PSEN1: variants seen among roughly 807,000 people sequenced by gnomAD.
PSEN1 encodes the protein presenilin 1.
In PSEN1, 15 loss-of-function variants were observed where a neutral mutation model predicts 53.5. That is an observed-to-expected ratio of 0.28 (90% CI 0.19 to 0.43). The LOEUF is 0.43. Ranked by LOEUF, PSEN1 falls within the 20% of genes least tolerant of loss-of-function variation. The pLI is 1.00. For synonymous variants in PSEN1, 208 were observed against 209.8 expected, an observed-to-expected ratio of 0.99 and a Z score of 0.08; for missense variants, 387 against 571.2, an observed-to-expected ratio of 0.68 and a Z score of 3.29.
At chr14:73,148,446 T>A (rs1483488221) in intron 3 of PSEN1, among the ~76,000 whole-genome samples, 2 of 152,228 alleles carry the variant, frequency 1.3e-5, no homozygotes, top group African/African-American at 2.4e-5. Flanking sequence ...ATTCATTACC[T>A]AACAGTTCCT....
At chr14:73,197,034 G>A (rs554310525) in intron 7 of PSEN1, among the ~76,000 whole-genome samples, 1 of 149,752 alleles carries the variant, frequency 6.7e-6, no homozygotes, top group African/African-American at 2.5e-5. Flanking sequence ...CCGGGTTCAC[G>A]CCGTTCTCCT....
chr14:73,143,206 G>A (rs958817023), intron 1 of PSEN1, among the ~76,000 whole-genome samples: 3 of 152,160 alleles, frequency 2.0e-5, no homozygotes, highest in African/African-American at 4.8e-5. Flanking sequence ...TACCAGTAGC[G>A]CTTGTTTGTT....
chr14:73,203,329 C>G (rs995047244), intron 8 of PSEN1, among the ~76,000 whole-genome samples: 1 of 152,116 alleles, frequency 6.6e-6, no homozygotes, highest in Non-Finnish European at 1.5e-5. Flanking sequence ...CTCAGGTGAT[C>G]TACCCGCCTC....
At chr14:73,197,748 T>G (rs537462773) in intron 7 of PSEN1, 2 of 419,064 alleles carry the variant, frequency 4.8e-6, no homozygotes, top group African/African-American at 4.0e-5. Context: ...CTAGGAAGAC[T>G]TGTTCCTATA....
At chr14:73,218,751 G>C (rs529684611) in intron 11 of PSEN1, among the ~76,000 whole-genome samples, 1 of 143,638 alleles carries the variant, frequency 7.0e-6, no homozygotes, top group African/African-American at 2.6e-5. Flanking sequence ...AGAAGCCCCC[G>C]CACAGCATAG....
chr14:73,172,735 TTCTC>T (rs1352665196), intron 4 of PSEN1, among the ~76,000 whole-genome samples: 1 of 152,236 alleles, frequency 6.6e-6, no homozygotes, highest in Non-Finnish European at 1.5e-5. Flanking sequence ...TGCACATACT[TTCTC>T]TCTCATAGAG....
chr14:73,158,425 A>C (rs1031302734), intron 3 of PSEN1, among the ~76,000 whole-genome samples: 5 of 152,016 alleles, frequency 3.3e-5, no homozygotes, highest in Admixed American at 6.6e-5. Flanking sequence ...TCCTGGGTTC[A>C]AGTGATTCTC....
intron 8 of PSEN1, among the ~76,000 whole-genome samples, chr14:73,200,783 G>T (rs1004030320): frequency 2.6e-5 from 4 of 152,098 alleles, no homozygotes; most frequent in African/African-American, 9.7e-5. Context: ...GGGCGTGGTG[G>T]CTAACACCTG....
At chr14:73,199,679 A>G (rs1899100318) in intron 8 of PSEN1, among the ~76,000 whole-genome samples, 1 of 152,244 alleles carries the variant, frequency 6.6e-6, no homozygotes, top group Non-Finnish European at 1.5e-5. Flanking sequence ...GCCTCCTAAA[A>G]AAGCTGTGCC....
In PSEN1 at chr14:73,216,981, A is replaced by G. The variant is rs912729309; in HGVS notation, c.1130-145A>G. 4.4e-6 allele frequency: 4 copies of G among 918,414 alleles called. No individual in the cohort carries two copies. The African/African-American group carries it at 6.6e-5, about 15-fold the overall frequency. The allele number at this position is 918,414 out of a possible 1,614,324, so 56.9% of individuals were successfully genotyped here. A position where few individuals can be genotyped will look rare whatever the true frequency, so the allele number is the denominator to read the frequency against. On this transcript the variant is annotated intron_variant, in intron 10 of 11. Coordinates refer to ENST00000324501, the MANE Select transcript of PSEN1 (RefSeq NM_000021.4). ...ATTGTAGAAAACCAAAAAAGAAAGA[A>G]AACACAGCTGAAGCCTAATTTTGTA...
At chr14:73,190,174 A>G (rs1168387220) in intron 6 of PSEN1, among the ~76,000 whole-genome samples, 1 of 152,340 alleles carries the variant, frequency 6.6e-6, no homozygotes, top group East Asian at 1.9e-4. Flanking sequence ...GGGGTAAAAA[A>G]GATAATATGC....
intron 3 of PSEN1, among the ~76,000 whole-genome samples, chr14:73,161,024 T>C (rs987388184): frequency 1.4e-5 from 2 of 148,076 alleles, no homozygotes; most frequent in African/African-American, 5.0e-5. Flanking sequence ...CAGGCTGGAG[T>C]AAAGTAGTGA....
At chr14:73,208,010 A>G (rs1297958954) in intron 9 of PSEN1, among the ~76,000 whole-genome samples, 2 of 152,226 alleles carry the variant, frequency 1.3e-5, no homozygotes, top group African/African-American at 4.8e-5. Flanking sequence ...AAGAATTGCC[A>G]CAAGCCTGGC....
chr14:73,194,557 G>A (rs1898860561), intron 7 of PSEN1, among the ~76,000 whole-genome samples: 1 of 150,632 alleles, frequency 6.6e-6, no homozygotes, highest in Non-Finnish European at 1.5e-5. Flanking sequence ...CACCATGCCT[G>A]GCCATACACT....
At chr14:73,159,545 A>G (rs1358131070) in intron 3 of PSEN1, among the ~76,000 whole-genome samples, 1 of 152,184 alleles carries the variant, frequency 6.6e-6, no homozygotes, top group East Asian at 1.9e-4. Flanking sequence ...ATTTTTCTGC[A>G]TATGGATATT....
chr14:73,173,716 G>C lies in PSEN1; in HGVS notation c.480+9G>C, dbSNP rs780371151. On this transcript the variant is annotated intron_variant, in intron 5 of 11. Coordinates refer to ENST00000324501, the MANE Select transcript of PSEN1 (RefSeq NM_000021.4). Reference sequence around the variant, plus strand: ...AATACAGGTGCTATAAGGTGAGCATGAGACACAGATCTTTGCTTTCCACCC... The same window carrying C: ...AATACAGGTGCTATAAGGTGAGCATCAGACACAGATCTTTGCTTTCCACCC... 1.9e-6 allele frequency: 3 copies of C among 1,613,980 alleles called. No individual in the cohort carries two copies. The highest frequency in any genetic ancestry group is 2.5e-6 in the Non-Finnish European group (3 of 1,179,830).
intron 6 of PSEN1, among the ~76,000 whole-genome samples, chr14:73,187,371 TG>T: frequency 6.6e-6 from 1 of 152,328 alleles, no homozygotes; most frequent in Non-Finnish European, 1.5e-5. Context: ...AAGAGAATAG[TG>T]AAGCTCAGAG....
At chr14:73,167,743 T>G (rs961198694) in intron 3 of PSEN1, 22 of 111,926 alleles carry the variant, frequency 2.0e-4, no homozygotes, top group East Asian at 4.6e-4. Flanking sequence ...ACGTTTTCTG[T>G]TTTTTTTTTT....
At chr14:73,212,088 C>CTTTTCTTTT (rs1899716021) in intron 10 of PSEN1, 146 bp downstream of exon 10, 1 of 66,914 alleles carries the variant, frequency 1.5e-5, no homozygotes, top group Non-Finnish European at 2.8e-5. Context: ...AGTAATAGTG[C>CTTTTCTTTT]TTTTTTTTTT....
Sources: gnomAD v4.1 joint callset for allele counts (sites outside exome capture counted in the v4.1 genomes callset) on GRCh38, gnomAD v4.1.1 for gene constraint, MANE v1.5 for transcripts, NCBI Gene and HGNC (gene_info 2026-07-23, HGNC 2026-07-21) for gene names.